The following PLA2G4C variants were observed in gnomAD, a reference collection of about 807,000 sequenced individuals.
The protein encoded by PLA2G4C is phospholipase A2 group IVC, also known as cytosolic phospholipase A2 gamma.
A neutral mutation model predicts 73.8 loss-of-function variants in PLA2G4C; 64 were observed. The ratio of observed to expected loss-of-function variants is 0.87; its 90% CI spans 0.71 to 1.07. PLA2G4C has a LOEUF of 1.07. Among genes scored for constraint, PLA2G4C ranks in the 50% least tolerant of loss-of-function variants. The pLI is 0.00. For synonymous variants in PLA2G4C, 254 were observed against 252.1 expected (o/e 1.01, Z -0.07); for missense variants, 622 against 665.4 (o/e 0.93, Z 0.72).
intron 1 of PLA2G4C, among the ~76,000 whole-genome samples, chr19:48,106,852 T>C (rs1030885849): frequency 1.1e-4 from 16 of 152,174 alleles, no homozygotes; most frequent in Non-Finnish European, 1.0e-4. Flanking sequence ...TCTGTCTGTC[T>C]CTCTCTCTTT....
intron 16 of PLA2G4C, 101 bp from the exon 17 acceptor site, chr19:48,048,489 G>T: frequency 1.5e-6 from 1 of 672,804 alleles, no homozygotes; most frequent in South Asian, 2.4e-5. Flanking sequence ...GGTCATACAT[G>T]ACTTAGGAGA....
chr19:48,062,565 G>A (rs149977874), intron 13 of PLA2G4C, among the ~76,000 whole-genome samples: 2,975 of 152,224 alleles, frequency 0.02, 92 homozygotes, highest in African/African-American at 0.067. Context: ...AGCTGAGATC[G>A]CGCCACTGCA....
intron 9 of PLA2G4C, 38 bp from the exon 10 acceptor site, chr19:48,085,150 A>C: frequency 2.1e-6 from 3 of 1,438,918 alleles, no homozygotes; most frequent in Non-Finnish European, 2.9e-6. Context: ...AACATTCTCC[A>C]TCACATGACT....
intron 13 of PLA2G4C, among the ~76,000 whole-genome samples, chr19:48,067,264 T>A (rs531222706): frequency 1.3e-5 from 2 of 151,282 alleles, no homozygotes; most frequent in Non-Finnish European, 2.9e-5. Flanking sequence ...GCCTCCTGGG[T>A]TCAAACGATT....
intron 12 of PLA2G4C, among the ~76,000 whole-genome samples, chr19:48,070,064 C>G (rs868618586): frequency 6.6e-6 from 1 of 151,902 alleles, no homozygotes; most frequent in South Asian, 2.1e-4. Flanking sequence ...GCCACTGCAC[C>G]GGGCCCCTGA....
At chr19:48,050,692 T>TTTTTTTTTTTTTTTG (rs1967693959) in intron 16 of PLA2G4C, among the ~76,000 whole-genome samples, 1 of 146,324 alleles carries the variant, frequency 6.8e-6, no homozygotes, top group Admixed American at 7.0e-5. Context: ...TTTTTTTTTT[T>TTTTTTTTTTTTTTTG]GAGACAGGGT....
At chr19:48,098,085 C>G (rs763053274) in intron 6 of PLA2G4C, 54 bp downstream of exon 6, 1 of 1,585,834 alleles carries the variant, frequency 6.3e-7, no homozygotes, top group Admixed American at 1.7e-5. Flanking sequence ...TTCCATTCCA[C>G]TCCGTGCTGT....
At chr19:48,099,280 GAA>G (rs1420217682) in intron 5 of PLA2G4C, among the ~76,000 whole-genome samples, 1 of 151,754 alleles carries the variant, frequency 6.6e-6, no homozygotes, top group Non-Finnish European at 1.5e-5. Flanking sequence ...AAAATAAAAT[GAA>G]ATAAAATAAA....
At chr19:48,091,798 G>A (rs1379963877) in intron 7 of PLA2G4C, among the ~76,000 whole-genome samples, 6 of 150,652 alleles carry the variant, frequency 4.0e-5, no homozygotes, top group Non-Finnish European at 8.8e-5. Flanking sequence ...GCTGAGGCAG[G>A]GGAATAACTT....
Position 48,099,672 on chromosome 19 carries a change from T to C in PLA2G4C, c.446A>G (p.Glu149Gly), listed in dbSNP as rs1304040313. 1.2e-6 allele frequency: 2 copies of C among 1,612,188 alleles called. No homozygotes were observed. The highest frequency in any genetic ancestry group is 1.7e-4 in the Middle Eastern group (1 of 5,834). Residue 149 changes from glutamate to glycine, a missense_variant and splice_region_variant, in exon 5 of 17, where the codon GAA becomes GGA. Glu to Gly is a moderately conservative substitution (Grantham distance 98). Transcript: ENST00000599921. ...AYMVISKQTR[E>G]LPESHLSNMK... Reference sequence around the variant, plus strand: ...GGTCCCCAGCTGGGAATGACTTACTTCTCTGGTTTGCTTAGAGATAACCAT... The same window carrying C: ...GGTCCCCAGCTGGGAATGACTTACTCCTCTGGTTTGCTTAGAGATAACCAT...
intron 12 of PLA2G4C, among the ~76,000 whole-genome samples, chr19:48,071,125 T>C (rs1026742186): frequency 1.3e-4 from 20 of 152,354 alleles, no homozygotes; most frequent in Admixed American, 3.3e-4. Context: ...TTATTGGCTC[T>C]GTTTCTCTGA....
chr19:48,088,231 A>G (rs1050097787), intron 9 of PLA2G4C, among the ~76,000 whole-genome samples: 3 of 152,178 alleles, frequency 2.0e-5, no homozygotes, highest in African/African-American at 7.2e-5. Context: ...CATCGCTTCT[A>G]CAACCAGCAT....
At chr19:48,062,241 A>G (rs1968213049) in intron 13 of PLA2G4C, 89 bp from the exon 14 acceptor site, 2 of 1,175,330 alleles carry the variant, frequency 1.7e-6, no homozygotes, top group Admixed American at 2.9e-5. Context: ...GGATGGGAAA[A>G]TGATCGTTGT....
At chr19:48,064,607 G>T (rs1361852140) in intron 13 of PLA2G4C, 1 of 152,102 alleles carries the variant, frequency 6.6e-6, no homozygotes, top group East Asian at 1.9e-4. Flanking sequence ...TAACCATCTA[G>T]AGGCTAGGAA....
intron 1 of PLA2G4C, 114 bp downstream of exon 1, chr19:48,110,373 A>G (rs1399637355): frequency 1.7e-5 from 11 of 656,618 alleles, no homozygotes; most frequent in Non-Finnish European, 2.1e-5. Context: ...TAAATAAAAT[A>G]AAATAAAATA....
chr19:48,093,462 CAGAG>C (rs147169468), intron 7 of PLA2G4C, among the ~76,000 whole-genome samples: 5 of 150,196 alleles, frequency 3.3e-5, no homozygotes, highest in Non-Finnish European at 7.4e-5. Flanking sequence ...AATCCATGCT[CAGAG>C]AGAGAGAGAG....
intron 13 of PLA2G4C, among the ~76,000 whole-genome samples, chr19:48,063,364 C>T (rs1443863034): frequency 6.6e-6 from 1 of 152,042 alleles, no homozygotes; most frequent in Non-Finnish European, 1.5e-5. Flanking sequence ...TTTCCATTAG[C>T]CTTTCCAACT....
In PLA2G4C at chr19:48,110,551, A is replaced by AGGCTTGGGCTCCGGAATCCGGTGCGGG; in HGVS notation, c.-98_-97insCCCGCACCGGATTCCGGAGCCCAAGCC. 6.6e-7 allele frequency: 1 copy of AGGCTTGGGCTCCGGAATCCGGTGCGGG among 1,519,908 alleles called. No individual in the cohort carries two copies. The highest frequency in any genetic ancestry group is 8.8e-7 in the Non-Finnish European group (1 of 1,136,650). 94.2% of individuals were successfully genotyped at this position (1,519,908 alleles called of 1,614,324 possible). A position where few individuals can be genotyped will look rare whatever the true frequency, so the allele number is the denominator to read the frequency against. On this transcript the variant is annotated 5_prime_UTR_variant, in exon 1 of 17. Transcript: ENST00000599921. ...GCTTGTGCTCCGGAATCCGGTGCGG[A>AGGCTTGGGCTCCGGAATCCGGTGCGGG]GGCTTGGGCTCCCTGCGCTTAGCGG... is the stretch of plus-strand genomic sequence containing the variant.
intron 3 of PLA2G4C, among the ~76,000 whole-genome samples, chr19:48,105,029 G>A (rs189537738): frequency 7.3e-6 from 1 of 137,788 alleles, no homozygotes; most frequent in Non-Finnish European, 1.5e-5. Flanking sequence ...GTTGCAGTGA[G>A]CCAAGATCAT....
Sources: allele counts gnomAD v4.1 joint callset (sites outside exome capture counted in the v4.1 genomes callset), GRCh38; gene constraint gnomAD v4.1.1; transcripts MANE v1.5; gene names NCBI Gene and HGNC (gene_info 2026-07-23, HGNC 2026-07-21).